RNF220: variants seen among roughly 807,000 people sequenced by gnomAD.
RNF220 encodes ring finger protein 220.
RNF220 carries 7 observed loss-of-function variants against 67.1 expected under a neutral mutation model. The ratio of observed to expected loss-of-function variants is 0.10; its 90% CI spans 0.06 to 0.20. The LOEUF (loss-of-function observed/expected upper bound fraction) is 0.20, where lower values mean the gene tolerates loss of function less well. RNF220 is among the 10% of genes least tolerant of loss of function. The pLI, the probability that RNF220 is intolerant of heterozygous loss-of-function variation, is 1.00. For synonymous variants in RNF220, 270 were observed against 283.2 expected (o/e 0.95, Z 0.47); for missense variants, 565 against 740.3 (o/e 0.76, Z 2.75).
chr1:44,505,204 C>T (rs1658304378), intron 2 of RNF220, among the ~76,000 whole-genome samples: 3 of 152,230 alleles, frequency 2.0e-5, no homozygotes, highest in Admixed American at 1.3e-4. Context: ...CTTCAGAGCA[C>T]GTGTTTGCTG....
intron 2 of RNF220, among the ~76,000 whole-genome samples, chr1:44,551,651 T>G (rs1296208818): frequency 6.6e-6 from 1 of 152,210 alleles, no homozygotes; most frequent in Non-Finnish European, 1.5e-5. Context: ...ATTATCAATT[T>G]TTAAATCTTT....
At chr1:44,530,472 C>A (rs575651837) in intron 2 of RNF220, among the ~76,000 whole-genome samples, 7 of 149,828 alleles carry the variant, frequency 4.7e-5, no homozygotes, top group African/African-American at 1.7e-4. Flanking sequence ...TACGTAGATG[C>A]GCAATGCTGA....
At chr1:44,410,303 C>T (rs1320617021) in intron 1 of RNF220, among the ~76,000 whole-genome samples, 1 of 152,178 alleles carries the variant, frequency 6.6e-6, no homozygotes, top group African/African-American at 2.4e-5. Context: ...TTCAGAGCGT[C>T]CATGTTGTAT....
At chr1:44,632,416 C>T in intron 6 of RNF220, 31 bp downstream of exon 6, 2 of 1,583,060 alleles carry the variant, frequency 1.3e-6, no homozygotes, top group Non-Finnish European at 8.6e-7. Flanking sequence ...CCCTCCGCCC[C>T]ACCCCCGGCC....
chr1:44,461,303 G>T (rs1653736085), intron 2 of RNF220, among the ~76,000 whole-genome samples: 1 of 152,088 alleles, frequency 6.6e-6, no homozygotes, highest in African/African-American at 2.4e-5. Context: ...TCCCTTACTT[G>T]CATGAACTCC....
Position 44,474,780 on chromosome 1 carries a change from A to G in RNF220, c.625+62058A>G, listed in dbSNP as rs578215804. Among the ~76,000 whole-genome samples, 41 of 152,244 alleles carry G rather than the reference A, an allele frequency of 2.7e-4. No individual in the cohort carries two copies. In the South Asian group the frequency reaches 8.3e-3, roughly 31 times the overall value. On this transcript the variant is annotated intron_variant, in intron 2 of 14. Transcript: ENST00000361799. The stretch of plus-strand genomic sequence containing the variant: ...TAAATATAAGAACTATTTACATAGC[A>G]TTTGCATTATGTTAGGTGTTGTAAG...
chr1:44,569,912 T>C (rs1664311269), intron 2 of RNF220, among the ~76,000 whole-genome samples: 1 of 152,204 alleles, frequency 6.6e-6, no homozygotes, highest in Admixed American at 6.5e-5. Context: ...AGCAGGCCTA[T>C]GATGGTGTTT....
intron 2 of RNF220, among the ~76,000 whole-genome samples, chr1:44,465,274 G>T (rs1654169332): frequency 6.6e-6 from 1 of 151,940 alleles, no homozygotes. Context: ...ATTAACTAAA[G>T]ATTCTTCCTC....
chr1:44,486,981 C>A (rs1365221656), intron 2 of RNF220, among the ~76,000 whole-genome samples: 1 of 152,112 alleles, frequency 6.6e-6, no homozygotes, highest in East Asian at 1.9e-4. Context: ...TTATAAGTAA[C>A]ACAATTAACA....
chr1:44,407,305 G>A (rs1481890223), intron 1 of RNF220, among the ~76,000 whole-genome samples: 1 of 152,206 alleles, frequency 6.6e-6, no homozygotes, highest in African/African-American at 2.4e-5. Flanking sequence ...GAAAAAAAAG[G>A]GCGGCAGTGA....
intron 2 of RNF220, among the ~76,000 whole-genome samples, chr1:44,602,758 C>T (rs1389479251): frequency 6.6e-6 from 1 of 152,154 alleles, no homozygotes; most frequent in African/African-American, 2.4e-5. Context: ...CTGCCCTGCC[C>T]CACCCCATCC....
At chr1:44,418,652 A>C (rs79018602) in intron 2 of RNF220, among the ~76,000 whole-genome samples, 49 of 151,968 alleles carry the variant, frequency 3.2e-4, no homozygotes, top group East Asian at 5.8e-4. Context: ...CAAAAAAAAA[A>C]ACACACACAC....
chr1:44,614,053 G>A, intron 2 of RNF220, 112 bp from the exon 3 acceptor site: 1 of 1,450,252 alleles, frequency 6.9e-7, no homozygotes, highest in East Asian at 2.3e-5. Context: ...CCTCCTCTAG[G>A]CCAAGAAGCC....
intron 8 of RNF220, chr1:44,636,500 A>T: frequency 1.4e-6 from 1 of 715,762 alleles, no homozygotes; most frequent in South Asian, 1.5e-5. Flanking sequence ...TTATCACTCC[A>T]TCCCTCTTAA....
intron 2 of RNF220, among the ~76,000 whole-genome samples, chr1:44,505,669 C>T (rs1018699485): frequency 6.6e-6 from 1 of 152,202 alleles, no homozygotes; most frequent in African/African-American, 2.4e-5. Flanking sequence ...AGGAACAGTC[C>T]TGGCATAAAA....
intron 2 of RNF220, among the ~76,000 whole-genome samples, chr1:44,459,447 C>A (rs1296245419): frequency 6.7e-6 from 1 of 150,132 alleles, no homozygotes; most frequent in Non-Finnish European, 1.5e-5. Flanking sequence ...ACAGAACCCC[C>A]CCTAATAAAC....
At chr1:44,429,151 C>G (rs1456019925) in intron 2 of RNF220, among the ~76,000 whole-genome samples, 1 of 148,548 alleles carries the variant, frequency 6.7e-6, no homozygotes, top group Non-Finnish European at 1.5e-5. Flanking sequence ...CTACTTTTGC[C>G]TCCACTCCAA....
intron 2 of RNF220, among the ~76,000 whole-genome samples, chr1:44,598,178 CAG>C (rs58598457): frequency 0.27 from 40,443 of 151,552 alleles, 5,713 homozygotes; most frequent in Middle Eastern, 0.4. Flanking sequence ...GAGGGGGAAA[CAG>C]GGAGGGGGCT....
At chr1:44,470,149 A>G (rs559387615) in intron 2 of RNF220, among the ~76,000 whole-genome samples, 78 of 152,240 alleles carry the variant, frequency 5.1e-4, no homozygotes, top group Admixed American at 3.7e-3. Flanking sequence ...TGGTAGAAGT[A>G]GAGCAATGTG....
Sources: allele counts gnomAD v4.1 joint callset (sites outside exome capture counted in the v4.1 genomes callset), GRCh38; gene constraint gnomAD v4.1.1; transcripts MANE v1.5; gene names NCBI Gene and HGNC (gene_info 2026-07-23, HGNC 2026-07-21).